The following KIF3C variants were observed in gnomAD, a reference collection of about 807,000 sequenced individuals.
KIF3C encodes kinesin family member 3C.
In KIF3C, 12 loss-of-function variants were observed where a neutral mutation model predicts 67.7. The ratio of observed to expected loss-of-function variants is 0.18; its 90% confidence interval spans 0.11 to 0.29. The LOEUF is 0.29. Ranked by LOEUF, KIF3C falls within the 10% of genes least tolerant of loss-of-function variation. KIF3C has a pLI of 1.00. For synonymous variants in KIF3C, 393 were observed against 426.2 expected, an observed-to-expected ratio of 0.92 and a Z score of 0.96; for missense variants, 789 against 1,059.6, an observed-to-expected ratio of 0.74 and a Z score of 3.55.
chr2:25,969,231 T>C (rs959888819), intron 1 of KIF3C, among the ~76,000 whole-genome samples: 1 of 152,190 alleles, frequency 6.6e-6, no homozygotes, highest in African/African-American at 2.4e-5. Flanking sequence ...TTATCAACCC[T>C]GGATTTTCCT....
At chr2:25,938,322 C>A (rs1450247957) in intron 5 of KIF3C, 6 of 429,522 alleles carry the variant, frequency 1.4e-5, no homozygotes, top group African/African-American at 4.2e-5. Context: ...CGTGCCACTG[C>A]ATTTCAGCCT....
Position 25,980,429 on chromosome 2 carries a change from G to A in KIF3C, c.1489C>T (p.Leu497=). 6.2e-7 allele frequency: 1 copy of A among 1,614,084 alleles called. No homozygotes were observed. The highest frequency in any genetic ancestry group is 8.5e-7 in the Non-Finnish European group (1 of 1,180,018). ...QKLLEEKEKM[L]EDLRREQQAT... is the part of the protein sequence containing the mutation. ...TGCTGTTCCCGCCGCAGGTCCTCCA[G>A]CATCTTCTCCTTCTCCTCCAGCAGC... The change falls in exon 1 of 8, where the codon CTG becomes TTG. Residue 497 remains leucine (L), a synonymous_variant. Coordinates refer to ENST00000264712, the MANE Select transcript of KIF3C (RefSeq NM_002254.8). This position sits in a 1 kb window ranked among gnomAD's most constrained non-coding sequence, Gnocchi z 7.6.
intron 5 of KIF3C, chr2:25,938,357 CAAAA>C: frequency 2.4e-5 from 8 of 327,340 alleles, no homozygotes; most frequent in East Asian, 8.8e-5. Context: ...GTCTGAGTCT[CAAAA>C]AAAAAAAAAA....
At chr2:25,946,175 C>CA (rs1663428081) in intron 5 of KIF3C, among the ~76,000 whole-genome samples, 1 of 152,018 alleles carries the variant, frequency 6.6e-6, no homozygotes, top group Admixed American at 6.6e-5. Flanking sequence ...GAGGAAAAAT[C>CA]AGAGTTTTCC....
At chr2:25,942,132 C>T (rs1471000587) in intron 5 of KIF3C, among the ~76,000 whole-genome samples, 6 of 151,882 alleles carry the variant, frequency 4.0e-5, no homozygotes, top group African/African-American at 1.5e-4. Context: ...CCGAGACAGG[C>T]GGATCACCTG....
At chr2:25,930,094 T>C in intron 5 of KIF3C, 31 bp from the exon 6 acceptor site, 1 of 1,563,002 alleles carries the variant, frequency 6.4e-7, no homozygotes, top group Non-Finnish European at 8.8e-7. Flanking sequence ...TAGAAAGGAT[T>C]TCTGTGGAAC....
chr2:25,944,364 T>TTTTTA (rs1663372980), intron 5 of KIF3C, among the ~76,000 whole-genome samples: 1 of 148,308 alleles, frequency 6.7e-6, no homozygotes, highest in African/African-American at 2.5e-5. Context: ...TTTTTTTTTT[T>TTTTTA]GAGACAGGGT....
chr2:25,928,883 G>C lies in KIF3C; in HGVS notation c.*95C>G. On this transcript the variant is annotated 3_prime_UTR_variant, in exon 8 of 8. Transcript: ENST00000264712. The stretch of plus-strand genomic sequence containing the variant: ...TGCACACACGCACACGCACATGCAC[G>C]CACACGCACACGCACCAAGCGGCAG... 3.1e-6 allele frequency: 3 copies of C among 979,082 alleles called. No homozygotes were observed. Among genetic ancestry groups the C allele is most frequent in the Non-Finnish European group, 4.7e-6 (3 of 638,146 alleles). The allele number at this position is 979,082 out of a possible 1,614,324, so 60.6% of individuals were successfully genotyped here.
intron 5 of KIF3C, among the ~76,000 whole-genome samples, chr2:25,946,986 T>C (rs1212292311): frequency 6.6e-6 from 1 of 151,932 alleles, no homozygotes; most frequent in African/African-American, 2.4e-5. Flanking sequence ...ACCCTGTCTC[T>C]ACTAAAAATA....
At chr2:25,973,415 G>A (rs1664329935) in intron 1 of KIF3C, among the ~76,000 whole-genome samples, 1 of 152,022 alleles carries the variant, frequency 6.6e-6, no homozygotes, top group African/African-American at 2.4e-5. Context: ...TTAGCCAGGT[G>A]TGGTGGCGTG....
At position 25,928,972 on chromosome 2, in the gene KIF3C, T is replaced by C. The variant is rs1425385934; in HGVS notation, c.*6A>G. The C allele has an allele frequency of 1.9e-6, 3 of 1,611,678 alleles. No homozygotes were observed. Among genetic ancestry groups the C allele is most frequent in the African/African-American group, 2.7e-5 (2 of 74,878 alleles). On this transcript the variant is annotated 3_prime_UTR_variant, in exon 8 of 8. Coordinates refer to ENST00000264712, the MANE Select transcript of KIF3C (RefSeq NM_002254.8). ...CTATTGGATGGGCAGCCTGACGTGA[T>C]GGTTGTCACTCATGGTCCGCCACTG...
rs76360059 is a variant in KIF3C at position 25,954,354 on chromosome 2, T to C, written c.1802A>G (p.Glu601Gly). 4 of 1,614,002 alleles carry C rather than the reference T, an allele frequency of 2.5e-6. No individual in the cohort carries two copies. Among genetic ancestry groups the C allele is most frequent in the Non-Finnish European group, 3.4e-6 (4 of 1,179,984 alleles). Reference protein sequence around the residue: ...LYAKLQAVKAEIQDQHDEYIR... With the variant: ...LYAKLQAVKAGIQDQHDEYIR... ...ATACTCATCATGCTGGTCCTGGATCTCCGCCTTCACCGCCTGCAGCTTGGC... is the reference window on the plus strand; with the variant it reads ...ATACTCATCATGCTGGTCCTGGATCCCCGCCTTCACCGCCTGCAGCTTGGC... Residue 601 changes from glutamate (E) to glycine (G), a missense_variant, in exon 4 of 8, where the codon GAG (glutamate) becomes GGG (glycine). By Grantham distance (98) the Glu-to-Gly change is moderately conservative (BLOSUM62 -2). Around this residue, in one of 2 missense-constraint regions of KIF3C, gnomAD observed 648 missense variants for 807.8 expected, o/e 0.80. Transcript: ENST00000264712.
intron 1 of KIF3C, among the ~76,000 whole-genome samples, chr2:25,962,953 T>TATATA (rs1664016882): frequency 2.8e-5 from 1 of 35,900 alleles, no homozygotes; most frequent in African/African-American, 2.4e-4. Context: ...TAATATATAA[T>TATATA]ATATAATATA....
At chr2:25,960,528 A>G (rs1329464794) in intron 1 of KIF3C, among the ~76,000 whole-genome samples, 2 of 152,192 alleles carry the variant, frequency 1.3e-5, no homozygotes. Context: ...CCCTTAGGAC[A>G]GCAATCATAT....
At chr2:25,929,599 A>G in intron 6 of KIF3C, 122 bp from the exon 7 acceptor site, 1 of 729,350 alleles carries the variant, frequency 1.4e-6, no homozygotes, top group African/African-American at 1.8e-5. Flanking sequence ...GGCTGTGAGC[A>G]TCCCCTCCCA....
At chr2:25,947,477 A>G (rs1026410830) in intron 5 of KIF3C, among the ~76,000 whole-genome samples, 1 of 151,824 alleles carries the variant, frequency 6.6e-6, no homozygotes, top group Non-Finnish European at 1.5e-5. Flanking sequence ...GCTACTCGGG[A>G]GGCTGAGGCA....
At chr2:25,938,205 A>C (rs974056294) in intron 5 of KIF3C, 3 of 417,592 alleles carry the variant, frequency 7.2e-6, no homozygotes, top group African/African-American at 4.2e-5. Flanking sequence ...TCTACCAAAA[A>C]TACAAAAATT....
Position 25,982,212 on chromosome 2 carries a change from A to T in KIF3C, c.-295T>A, listed in dbSNP as rs1465877. The T allele has an allele frequency of 1, 428,306 of 428,394 alleles. 214,109 individuals carry two copies. The highest frequency in any genetic ancestry group is 1 in the Middle Eastern group (1,694 of 1,694). The allele number at this position is 428,394 out of a possible 1,614,324, so 26.5% of individuals were successfully genotyped here. A position where few individuals can be genotyped will look rare whatever the true frequency, so the allele number is the denominator to read the frequency against. On this transcript the variant is annotated 5_prime_UTR_variant, in exon 1 of 8. Transcript: ENST00000264712. ...GCCGTGCCCGGAGCCCGCCCCATGC[A>T]GGAGCAGAGGGAGCGCTGCCGTAAA...
chr2:25,977,491 G>A (rs897372013), intron 1 of KIF3C, among the ~76,000 whole-genome samples: 9 of 152,040 alleles, frequency 5.9e-5, no homozygotes, highest in Admixed American at 5.2e-4. Context: ...CTCCTGCCTG[G>A]CTCTACTCCC....
Sources: allele counts gnomAD v4.1 joint callset (sites outside exome capture counted in the v4.1 genomes callset), GRCh38; gene constraint gnomAD v4.1.1; regional missense constraint gnomAD v4.1.1; non-coding constraint Gnocchi (gnomAD v3.1); transcripts MANE v1.5; gene names NCBI Gene and HGNC (gene_info 2026-07-23, HGNC 2026-07-21).